Variants in KIAA1328 observed in about 807,000 individuals in gnomAD.
KIAA1328 encodes protein hinderin.
A neutral mutation model predicts 68.1 loss-of-function variants in KIAA1328; 52 were observed. That is an observed-to-expected ratio of 0.76 (90% confidence interval 0.61 to 0.96). The LOEUF (loss-of-function observed/expected upper bound fraction) is 0.96. Ranked by LOEUF, KIAA1328 falls within the 40% of genes least tolerant of loss-of-function variation. The probability of loss-of-function intolerance (pLI) is 0.00; values close to 1 mark genes in which losing one functional copy is unlikely to be tolerated. For missense variants in KIAA1328, 641 were observed against 677.6 expected, an observed-to-expected ratio of 0.95 and a Z score of 0.60; for synonymous variants, 232 against 239.4, an observed-to-expected ratio of 0.97 and a Z score of 0.28.
intron 8 of KIAA1328, among the ~76,000 whole-genome samples, chr18:37,167,970 A>T (rs532668341): frequency 1.6e-4 from 25 of 152,266 alleles, no homozygotes; most frequent in Admixed American, 1.5e-3. Flanking sequence ...AATATACTTA[A>T]CAAAATACTA....
At chr18:37,146,386 C>G (rs1273342322) in intron 7 of KIAA1328, among the ~76,000 whole-genome samples, 1 of 152,138 alleles carries the variant, frequency 6.6e-6, no homozygotes, top group Non-Finnish European at 1.5e-5. Context: ...ATAATGGCCT[C>G]CAGCTCCATC....
intron 5 of KIAA1328, among the ~76,000 whole-genome samples, chr18:36,941,995 A>G (rs902431698): frequency 6.6e-6 from 1 of 152,260 alleles, no homozygotes; most frequent in Non-Finnish European, 1.5e-5. Context: ...ATTCATAAAT[A>G]CTACAATAAA....
At chr18:36,987,513 TAA>T (rs149601993) in intron 6 of KIAA1328, among the ~76,000 whole-genome samples, 1 of 147,200 alleles carries the variant, frequency 6.8e-6, no homozygotes, top group South Asian at 2.2e-4. Flanking sequence ...TAAATAAAAA[TAA>T]AAAAATAAAA....
At chr18:37,097,381 T>G (rs2057445808) in intron 7 of KIAA1328, among the ~76,000 whole-genome samples, 1 of 152,222 alleles carries the variant, frequency 6.6e-6, no homozygotes, top group Non-Finnish European at 1.5e-5. Flanking sequence ...ATCAGATAGT[T>G]GCAGATATGT....
intron 5 of KIAA1328, among the ~76,000 whole-genome samples, chr18:36,890,057 A>G (rs2048629664): frequency 6.6e-6 from 1 of 151,986 alleles, no homozygotes; most frequent in South Asian, 2.1e-4. Context: ...TGTTTTCCAC[A>G]TTCTGGTCTG....
chr18:37,202,005 A>G (rs952596401), intron 9 of KIAA1328, among the ~76,000 whole-genome samples: 2 of 152,192 alleles, frequency 1.3e-5, no homozygotes, highest in Admixed American at 6.5e-5. Context: ...AGCATTTCCA[A>G]TTGTGACCTG....
At position 36,845,883 on chromosome 18, in the gene KIAA1328, C is replaced by A. The variant is rs1383050345; in HGVS notation, c.332+1581C>A. Among the ~76,000 whole-genome samples, 5 of 151,576 alleles carry A rather than the reference C, an allele frequency of 3.3e-5. No homozygotes were observed. In the East Asian group the frequency reaches 9.6e-4, roughly 29 times the overall value. On this transcript the variant is annotated intron_variant, in intron 4 of 9. Transcript: ENST00000280020. ...TTGGTATTTAATAACCCTCTACTTC[C>A]TACAAAATATGCTAGGTTTTCTTTT...
At chr18:37,231,337 T>C (rs1320963116), downstream of KIAA1328, 1 of 152,230 alleles carries the variant, frequency 6.6e-6, no homozygotes, top group Admixed American at 6.5e-5. Context: ...CATAAAAATA[T>C]TTATTAAGAT....
chr18:36,897,928 G>A (rs2048917158), intron 5 of KIAA1328, among the ~76,000 whole-genome samples: 1 of 151,856 alleles, frequency 6.6e-6, no homozygotes, highest in African/African-American at 2.4e-5. Context: ...AAGCCCTATT[G>A]GTAAATCTTT....
rs746440051 is a variant in KIAA1328 at position 36,926,881 on chromosome 18, GCTT to G, written c.449-32421_449-32419del. 4.6e-5 allele frequency among the ~76,000 whole-genome samples: 7 copies of G among 152,298 alleles called. No individual in the cohort carries two copies. In the East Asian group the frequency reaches 5.8e-4, roughly 13 times the overall value. ...TATAGGAAGCATTGTCCCGGCATCTGCTTCTTCTAAGGGCCTCAGGAAGCTTAC... is the reference window on the plus strand; with the variant it reads ...TATAGGAAGCATTGTCCCGGCATCTGCTTCTAAGGGCCTCAGGAAGCTTAC... On this transcript the variant is annotated intron_variant, in intron 5 of 9. Coordinates refer to ENST00000280020, the MANE Select transcript of KIAA1328 (RefSeq NM_020776.3).
intron 6 of KIAA1328, among the ~76,000 whole-genome samples, chr18:36,963,169 T>A (rs2151287608): frequency 6.6e-6 from 1 of 152,368 alleles, no homozygotes; most frequent in East Asian, 1.9e-4. Flanking sequence ...AGGTGGCATC[T>A]ATTTTTTATT....
intron 7 of KIAA1328, chr18:37,075,735 A>T (rs534934430): frequency 6.6e-6 from 1 of 152,342 alleles, no homozygotes. Context: ...AGAGACAAAT[A>T]AGGCCATTAC....
rs897648694 is a variant in KIAA1328 at position 37,063,684 on chromosome 18, AG to A, written c.577-3205del. 9 of 985,132 alleles carry A rather than the reference AG, an allele frequency of 9.1e-6. No individual in the cohort carries two copies. In the Admixed American group the frequency reaches 3.1e-4, roughly 34 times the overall value. The allele number at this position is 985,132 out of a possible 1,614,324, so 61.0% of individuals were successfully genotyped here. On this transcript the variant is annotated intron_variant, in intron 6 of 9. Coordinates refer to ENST00000280020, the MANE Select transcript of KIAA1328 (RefSeq NM_020776.3). ...GGCAAAGCATTCGTTAAAATCATTA[AG>A]CTGTACTACCTCTCAAAAACAGGAA...
intron 5 of KIAA1328, among the ~76,000 whole-genome samples, chr18:36,926,416 T>G (rs775194382): frequency 3.6e-4 from 48 of 133,576 alleles, no homozygotes; most frequent in Non-Finnish European, 5.0e-4. Context: ...TTTATTTATT[T>G]ATTTTTGGAA....
chr18:37,025,887 A>G (rs1240761277), intron 6 of KIAA1328, among the ~76,000 whole-genome samples: 1 of 152,200 alleles, frequency 6.6e-6, no homozygotes. Context: ...GCAGAACTGA[A>G]GGAAATAGAG....
intron 6 of KIAA1328, among the ~76,000 whole-genome samples, chr18:37,008,646 CAT>C (rs2151481062): frequency 6.6e-6 from 1 of 152,196 alleles, no homozygotes; most frequent in South Asian, 2.1e-4. Context: ...TTATCGATAG[CAT>C]AAAGGTAAAT....
chr18:36,833,433 A>G (rs1389184203), intron 1 of KIAA1328: 2 of 152,262 alleles, frequency 1.3e-5, no homozygotes, highest in Non-Finnish European at 2.9e-5. Context: ...AAAGCCAGGA[A>G]TGAGTGAGAG....
chr18:36,958,468 C>T (rs370141523), intron 5 of KIAA1328, among the ~76,000 whole-genome samples: 86 of 152,226 alleles, frequency 5.6e-4, no homozygotes, highest in African/African-American at 2.0e-3. Context: ...CCATTAGTTA[C>T]GTAGGAGGGT....
intron 4 of KIAA1328, among the ~76,000 whole-genome samples, chr18:36,877,496 G>C (rs1442682429): frequency 1.7e-4 from 25 of 147,572 alleles, no homozygotes; most frequent in Admixed American, 1.7e-3. Context: ...TGCAACCCCT[G>C]GTGGGTTTTT....
Sources: gnomAD v4.1 joint callset for allele counts (sites outside exome capture counted in the v4.1 genomes callset) on GRCh38, gnomAD v4.1.1 for gene constraint, MANE v1.5 for transcripts, NCBI Gene and HGNC (gene_info 2026-07-23, HGNC 2026-07-21) for gene names.